PLCH2: variants seen among roughly 807,000 people sequenced by gnomAD.
PLCH2 encodes 1-phosphatidylinositol 4,5-bisphosphate phosphodiesterase eta-2.
A neutral mutation model predicts 134.7 loss-of-function variants in PLCH2; 98 were observed. The ratio of observed to expected loss-of-function variants is 0.73; its 90% CI spans 0.62 to 0.86. The LOEUF (loss-of-function observed/expected upper bound fraction) is 0.86. Among genes scored for constraint, PLCH2 ranks in the 40% least tolerant of loss-of-function variants. The pLI, the probability that PLCH2 is intolerant of heterozygous loss-of-function variation, is 0.00. For missense variants in PLCH2, 1,994 were observed against 1,986.6 expected, an observed-to-expected ratio of 1.00 and a Z score of -0.07; for synonymous variants, 974 against 827.5, an observed-to-expected ratio of 1.18 and a Z score of -3.04.
At chr1:2,494,985 G>T (rs754994453) in intron 12 of PLCH2, 37 bp downstream of exon 12, 2 of 1,428,502 alleles carry the variant, frequency 1.4e-6, no homozygotes. Flanking sequence ...CCCGGTCTGG[G>T]CCCAGTGTCC....
intron 2 of PLCH2, among the ~76,000 whole-genome samples, chr1:2,443,621 G>A (rs1450976450): frequency 1.6e-5 from 2 of 125,868 alleles, no homozygotes; most frequent in African/African-American, 5.9e-5. Flanking sequence ...TGTTCTGTGC[G>A]TCGCGCTCGC....
At chr1:2,482,452 C>T (rs1206812641) in intron 4 of PLCH2, among the ~76,000 whole-genome samples, 1 of 152,210 alleles carries the variant, frequency 6.6e-6, no homozygotes, top group Admixed American at 6.5e-5. Context: ...TACCCTCACA[C>T]CTCGCACCAG....
At chr1:2,420,915 A>C in the PLCH2 span, among the ~76,000 whole-genome samples, 3 of 149,800 alleles carry the variant, frequency 2.0e-5, no homozygotes, top group African/African-American at 7.4e-5. Context: ...AATCACTATT[A>C]GTGGGGTGCA....
chr1:2,472,308 A>G (rs995805244), upstream of PLCH2, among the ~76,000 whole-genome samples: 9 of 152,042 alleles, frequency 5.9e-5, no homozygotes, highest in Non-Finnish European at 1.2e-4. Context: ...GCTGATCTCC[A>G]GTGAGCACTG....
chr1:2,455,915 T>C (rs115097670), intron 2 of PLCH2, among the ~76,000 whole-genome samples: 3,738 of 152,350 alleles, frequency 0.025, 154 homozygotes, highest in African/African-American at 0.085. Flanking sequence ...TGCGTGTGTG[T>C]GCCTGTGTGC....
chr1:2,498,065 G>A lies in PLCH2; in HGVS notation c.2224+456G>A, dbSNP rs528654135. The A allele has an allele frequency of 7.8e-5, 18 of 231,002 alleles. No individual in the cohort carries two copies. Among genetic ancestry groups the A allele is most frequent in the Middle Eastern group, 1.5e-3 (1 of 680 alleles). The allele number at this position is 231,002 out of a possible 1,614,324, so 14.3% of individuals were successfully genotyped here. A position where few individuals can be genotyped will look rare whatever the true frequency, so the allele number is the denominator to read the frequency against. On this transcript the variant is annotated intron_variant, in intron 16 of 21. Transcript: ENST00000378486. This position sits in a 1 kb window ranked among gnomAD's most constrained non-coding sequence, Gnocchi z 5.4. Reference sequence around the variant, plus strand: ...TGGTCCCCCTGTGGCCCTGGCAGGAGTATCACCATGGGAGAGGGCAGGACA... The same window carrying A: ...TGGTCCCCCTGTGGCCCTGGCAGGAATATCACCATGGGAGAGGGCAGGACA...
Position 2,487,163 on chromosome 1 carries a change from C to T in PLCH2, c.911-10C>T, listed in dbSNP as rs115128681. ...GGCTGACATGGCCCCTATGCCACGC[C>T]GTCCTGCAGGCTTCACCAACTACAC... On this transcript the variant is annotated splice_polypyrimidine_tract_variant and intron_variant, in intron 6 of 21. Coordinates refer to ENST00000378486, the MANE Select transcript of PLCH2 (RefSeq NM_014638.4). 6.6e-3 allele frequency: 10,266 copies of T among 1,552,684 alleles called. 44 individuals carry two copies. Among genetic ancestry groups the T allele is most frequent in the East Asian group, 9.6e-3 (398 of 41,432 alleles).
intron 10 of PLCH2, 63 bp from the exon 11 acceptor site, chr1:2,491,129 G>C: frequency 4.6e-6 from 7 of 1,513,176 alleles, no homozygotes; most frequent in Non-Finnish European, 5.4e-6. Context: ...CCTGGGGGTT[G>C]TCATTGCCAC....
chr1:2,482,355 C>T (rs1391102856), intron 4 of PLCH2, among the ~76,000 whole-genome samples: 1 of 152,190 alleles, frequency 6.6e-6, no homozygotes, highest in African/African-American at 2.4e-5. Flanking sequence ...TCAGCCCAGG[C>T]TCTGTCCCAT....
rs765104200 is a variant in PLCH2 at position 2,484,499 on chromosome 1, G to C, written c.697G>C (p.Ala233Pro). Residue 233 changes from alanine to proline, a missense_variant, in exon 5 of 22, where the codon GCC becomes CCC. Transcript: ENST00000378486. The stretch of plus-strand genomic sequence containing the variant: ...GACGCTGGGTTTTGAAGAGTTCTGT[G>C]CCTTCTACAAGATGATGTCCACCCG... ...QGTLGFEEFC[A>P]FYKMMSTRRD... 2.5e-6 allele frequency: 4 copies of C among 1,613,358 alleles called. No individual in the cohort carries two copies. The highest frequency in any genetic ancestry group is 3.4e-6 in the Non-Finnish European group (4 of 1,179,788).
Position 2,452,714 on chromosome 1 carries a change from G to A in PLCH2, c.115+22085G>A, listed in dbSNP as rs1640303555. Among the ~76,000 whole-genome samples the A allele has an allele frequency of 2.6e-5, 4 of 152,238 alleles. No individual in the cohort carries two copies. In the South Asian group the frequency reaches 6.2e-4, roughly 24 times the overall value. ...CTAGGGTTCCCCAACCAGAGGCTGG[G>A]CATGAACCTCCCTTCTGGGGCGCCT... On this transcript the variant is annotated intron_variant, in intron 2 of 3. Coordinates refer to the PLCH2 transcript ENST00000609981.
intron 7 of PLCH2, 71 bp downstream of exon 7, chr1:2,487,447 C>A: frequency 6.7e-7 from 1 of 1,491,574 alleles, no homozygotes; most frequent in Non-Finnish European, 9.2e-7. Context: ...ACCTGAGGAG[C>A]CCCCGGGGGG....
In PLCH2 at chr1:2,439,014, T is replaced by C. The variant is rs1450881837; in HGVS notation, c.115+8385T>C. 6.6e-6 allele frequency among the ~76,000 whole-genome samples: 1 copy of C among 152,188 alleles called. No individual in the cohort carries two copies. Among genetic ancestry groups the C allele is most frequent in the African/African-American group, 2.4e-5 (1 of 41,452 alleles). On this transcript the variant is annotated intron_variant, in intron 2 of 3. Transcript: ENST00000609981. The surrounding 1 kb of genome is among the most constrained non-coding windows in gnomAD (Gnocchi z 4.7). ...TGGGTGGCTCCAGGTAGAAGTGGCTTTGACTACGCCCTCCCAGCCCTGACC... is the reference window on the plus strand; with the variant it reads ...TGGGTGGCTCCAGGTAGAAGTGGCTCTGACTACGCCCTCCCAGCCCTGACC...
intron 2 of PLCH2, among the ~76,000 whole-genome samples, chr1:2,432,271 G>A (rs924750868): frequency 1.3e-5 from 2 of 152,210 alleles, no homozygotes; most frequent in Non-Finnish European, 2.9e-5. Flanking sequence ...GATGGGGATG[G>A]GGGTCAGGTC....
chr1:2,500,225 G>C (rs1643140777), intron 20 of PLCH2: 1 of 171,888 alleles, frequency 5.8e-6, no homozygotes, highest in Admixed American at 5.6e-5. Flanking sequence ...CGCAGGAAGT[G>C]GTCTTGGTGC....
chr1:2,433,992 C>G (rs1041949250), intron 2 of PLCH2, among the ~76,000 whole-genome samples: 4 of 152,240 alleles, frequency 2.6e-5, no homozygotes, highest in Admixed American at 1.3e-4. Context: ...TCTCCCCGGG[C>G]ACCCAGGAAA....
At chr1:2,457,979 G>A (rs964456262) in intron 2 of PLCH2, among the ~76,000 whole-genome samples, 2 of 152,104 alleles carry the variant, frequency 1.3e-5, no homozygotes, top group African/African-American at 4.8e-5. Flanking sequence ...AGCAACGTGC[G>A]GGCCTCAGGC....
chr1:2,466,650 G>A (rs928390665), upstream of PLCH2, among the ~76,000 whole-genome samples: 6 of 152,254 alleles, frequency 3.9e-5, no homozygotes, highest in Admixed American at 6.5e-5. Context: ...GCCGCACTCT[G>A]GGATGGGGGC....
chr1:2,456,569 C>T (rs976379541), intron 2 of PLCH2, among the ~76,000 whole-genome samples: 1 of 152,206 alleles, frequency 6.6e-6, no homozygotes, highest in Non-Finnish European at 1.5e-5. Flanking sequence ...GCAGCCCCCG[C>T]CCCCGGCAGA....
Sources: allele counts gnomAD v4.1 joint callset (sites outside exome capture counted in the v4.1 genomes callset), GRCh38; gene constraint gnomAD v4.1.1; non-coding constraint Gnocchi (gnomAD v3.1); transcripts MANE v1.5; gene names NCBI Gene and HGNC (gene_info 2026-07-23, HGNC 2026-07-21).